Variants in PCDH11Y observed in about 807,000 individuals in gnomAD.
PCDH11Y encodes the protein protocadherin 11 Y-linked.
For synonymous variants in PCDH11Y, 9 were observed against 83.6 expected, an observed-to-expected ratio of 0.11 and a Z score of 4.87; for missense variants, 12 against 224.8, an observed-to-expected ratio of 0.05 and a Z score of 6.05.
intron 2 of PCDH11Y, among the ~76,000 whole-genome samples, chrY:5,198,394 C>T: frequency 9.3e-5 from 3 of 32,137 alleles, no homozygotes; most frequent in Non-Finnish European, 2.3e-4. Flanking sequence ...GTGATCCACC[C>T]GCCTTGGCCT....
chrY:5,668,075 T>C, intron 4 of PCDH11Y, among the ~76,000 whole-genome samples: 1 of 32,935 alleles, frequency 3.0e-5, no homozygotes, highest in Admixed American at 2.8e-4. Context: ...AAATTATTCA[T>C]TTTAAATTAT....
chrY:5,602,565 C>T, intron 4 of PCDH11Y, among the ~76,000 whole-genome samples: 1 of 31,803 alleles, frequency 3.1e-5, no homozygotes, highest in Non-Finnish European at 7.7e-5. Context: ...TTATTTATCC[C>T]TTATCTCTTC....
chrY:5,551,813 T>C, intron 3 of PCDH11Y, among the ~76,000 whole-genome samples: 2 of 32,687 alleles, frequency 6.1e-5, no homozygotes, highest in Non-Finnish European at 1.5e-4. Context: ...AGAGAAGGAG[T>C]TGAACCAGCA....
chrY:5,487,063 A>AT (rs2053334097), intron 2 of PCDH11Y, among the ~76,000 whole-genome samples: 2 of 26,689 alleles, frequency 7.5e-5, no homozygotes, highest in African/African-American at 3.0e-4. Flanking sequence ...ATTCATTTAT[A>AT]TTTTTAAGAA....
At chrY:5,407,734 A>G (rs2053240648) in intron 2 of PCDH11Y, among the ~76,000 whole-genome samples, 1 of 30,658 alleles carries the variant, frequency 3.3e-5, no homozygotes, top group African/African-American at 1.3e-4. Context: ...TAACAAGGTG[A>G]AACCCCGTCT....
intron 2 of PCDH11Y, among the ~76,000 whole-genome samples, chrY:5,192,363 A>G: frequency 3.0e-5 from 1 of 33,166 alleles, no homozygotes; most frequent in African/African-American, 1.2e-4. Flanking sequence ...CCCCCCTAGC[A>G]ACATCATATG....
chrY:5,199,236 A>G, intron 2 of PCDH11Y, among the ~76,000 whole-genome samples: 1 of 30,625 alleles, frequency 3.3e-5, no homozygotes. Flanking sequence ...ACATGGAGAC[A>G]TGGCAGGCCT....
At chrY:5,708,015 G>A in intron 4 of PCDH11Y, among the ~76,000 whole-genome samples, 1 of 32,145 alleles carries the variant, frequency 3.1e-5, no homozygotes, top group Non-Finnish European at 7.6e-5. Flanking sequence ...ACATCTAGAA[G>A]CAGACTTTTC....
At chrY:5,739,981 C>A (rs2053615297) in exon 5 of PCDH11Y, 1 of 32,632 alleles carries the variant, frequency 3.1e-5, no homozygotes, top group Non-Finnish European at 7.6e-5. Flanking sequence ...AAGAAAAGAA[C>A]CAATAGTGAC....
intron 2 of PCDH11Y, among the ~76,000 whole-genome samples, chrY:5,276,469 T>C: frequency 3.2e-5 from 1 of 30,909 alleles, no homozygotes; most frequent in African/African-American, 1.3e-4. Flanking sequence ...ATAAAGCTGG[T>C]AAAATGCTCA....
intron 4 of PCDH11Y, among the ~76,000 whole-genome samples, chrY:5,627,489 C>T (rs2124703297): frequency 3.5e-5 from 1 of 28,941 alleles, no homozygotes; most frequent in African/African-American, 1.4e-4. Context: ...GCAACCTCTG[C>T]CTCCTGGGTT....
intron 2 of PCDH11Y, among the ~76,000 whole-genome samples, chrY:5,237,076 T>C: frequency 3.0e-5 from 1 of 33,460 alleles, no homozygotes. Flanking sequence ...AAGTTTGTTC[T>C]TCTTGCAAGT....
chrY:5,274,033 T>A, intron 2 of PCDH11Y, among the ~76,000 whole-genome samples: 1 of 31,512 alleles, frequency 3.2e-5, no homozygotes, highest in South Asian at 7.1e-4. Context: ...TTGGGCAATA[T>A]AAAAAAAAAT....
intron 2 of PCDH11Y, among the ~76,000 whole-genome samples, chrY:5,128,100 A>G (rs1602872464): frequency 3.0e-5 from 1 of 32,881 alleles, no homozygotes; most frequent in Non-Finnish European, 7.5e-5. Context: ...AGCATCATGG[A>G]GGTTATGGCT....
At chrY:5,078,287 A>G (rs2052712836) in intron 1 of PCDH11Y, among the ~76,000 whole-genome samples, 1 of 33,139 alleles carries the variant, frequency 3.0e-5, no homozygotes, top group African/African-American at 1.2e-4. Context: ...ATTTGCATTG[A>G]TTCCACATCT....
intron 4 of PCDH11Y, among the ~76,000 whole-genome samples, chrY:5,642,534 A>G: frequency 3.0e-5 from 1 of 33,342 alleles, no homozygotes; most frequent in African/African-American, 1.2e-4. Flanking sequence ...TAGCTCTAAA[A>G]TTTTATATTA....
chrY:5,452,220 A>G, intron 2 of PCDH11Y, among the ~76,000 whole-genome samples: 1 of 33,607 alleles, frequency 3.0e-5, no homozygotes, highest in South Asian at 6.5e-4. Context: ...TTCACAAAAT[A>G]AGTCATAATT....
At chrY:5,467,158 A>T in intron 2 of PCDH11Y, among the ~76,000 whole-genome samples, 4 of 31,442 alleles carry the variant, frequency 1.3e-4, no homozygotes, top group Admixed American at 3.0e-4. Context: ...GGTAGTTTAT[A>T]CTGCCATTGT....
intron 4 of PCDH11Y, among the ~76,000 whole-genome samples, chrY:5,653,437 A>C: frequency 3.0e-5 from 1 of 33,238 alleles, no homozygotes; most frequent in Non-Finnish European, 7.4e-5. Context: ...GGAGCTGAAA[A>C]CCATGGCACG....
Sources: allele counts gnomAD v4.1 joint callset (sites outside exome capture counted in the v4.1 genomes callset), GRCh38; gene constraint gnomAD v4.1.1; transcripts MANE v1.5; gene names NCBI Gene and HGNC (gene_info 2026-07-23, HGNC 2026-07-21).